CA10: variants seen among roughly 807,000 people sequenced by gnomAD.
CA10 encodes the protein carbonic anhydrase-related protein 10.
Under a neutral mutation model 44.2 loss-of-function variants are expected in CA10, and 14 were observed. The ratio of observed to expected loss-of-function variants is 0.32; its 90% CI spans 0.21 to 0.50. CA10 has a LOEUF of 0.50. Ranked by LOEUF, CA10 falls within the 20% of genes least tolerant of loss-of-function variation. The pLI, the probability that CA10 is intolerant of heterozygous loss-of-function variation, is 0.99. For synonymous variants in CA10, 159 were observed against 141.6 expected (o/e 1.12, Z -0.87); for missense variants, 350 against 409.7 (o/e 0.85, Z 1.26).
intron 1 of CA10, among the ~76,000 whole-genome samples, chr17:52,120,287 G>C (rs958714929): frequency 1.8e-4 from 27 of 152,080 alleles, no homozygotes; most frequent in African/African-American, 6.5e-4. Context: ...CCTGCCACCG[G>C]AGCCTTTGAT....
At chr17:52,087,112 G>A (rs1209433308) in intron 1 of CA10, among the ~76,000 whole-genome samples, 1 of 152,140 alleles carries the variant, frequency 6.6e-6, no homozygotes, top group Non-Finnish European at 1.5e-5. Flanking sequence ...CTAGAAACCT[G>A]ATGACCCAGA....
intron 4 of CA10, among the ~76,000 whole-genome samples, chr17:51,732,206 G>A (rs1598015250): frequency 6.6e-6 from 1 of 152,204 alleles, no homozygotes; most frequent in East Asian, 1.9e-4. Flanking sequence ...CGAAGGAGAG[G>A]GAGAACAATG....
intron 4 of CA10, among the ~76,000 whole-genome samples, chr17:51,686,475 A>G (rs548748419): frequency 1.7e-4 from 26 of 152,198 alleles, no homozygotes; most frequent in Non-Finnish European, 2.5e-4. Context: ...TACACCTTCA[A>G]TTGACCTCTC....
intron 2 of CA10, among the ~76,000 whole-genome samples, chr17:51,960,340 G>A (rs1567900776): frequency 1.3e-5 from 2 of 151,664 alleles, no homozygotes; most frequent in East Asian, 3.9e-4. Flanking sequence ...GATTGGTGCA[G>A]AAAAAAATAG....
At chr17:52,072,739 T>C (rs1987718350) in intron 1 of CA10, among the ~76,000 whole-genome samples, 1 of 144,170 alleles carries the variant, frequency 6.9e-6, no homozygotes, top group South Asian at 2.2e-4. Flanking sequence ...GTGCTCCTGC[T>C]GAAACTGAGG....
chr17:52,014,995 A>G (rs535800459), intron 2 of CA10, among the ~76,000 whole-genome samples: 9 of 152,208 alleles, frequency 5.9e-5, no homozygotes, highest in Admixed American at 4.6e-4. Context: ...ATATATGAAC[A>G]TGAATATATT....
chr17:52,069,355 T>A (rs527854302), intron 2 of CA10, among the ~76,000 whole-genome samples: 1 of 152,142 alleles, frequency 6.6e-6, no homozygotes, highest in Non-Finnish European at 1.5e-5. Context: ...GGTAAGGGGC[T>A]CCTTCCCTGA....
chr17:51,696,501 G>A (rs1263292133), intron 4 of CA10, among the ~76,000 whole-genome samples: 2 of 151,848 alleles, frequency 1.3e-5, no homozygotes, highest in Admixed American at 6.6e-5. Flanking sequence ...TCTAGCTAGT[G>A]GTCTATTGAT....
At chr17:51,643,650 G>C (rs1007206583) in intron 6 of CA10, among the ~76,000 whole-genome samples, 1 of 151,988 alleles carries the variant, frequency 6.6e-6, no homozygotes. Context: ...GCACAGGAGC[G>C]GTATTTCATT....
At chr17:51,926,940 A>G (rs1982455606) in intron 3 of CA10, among the ~76,000 whole-genome samples, 1 of 152,228 alleles carries the variant, frequency 6.6e-6, no homozygotes, top group Non-Finnish European at 1.5e-5. Flanking sequence ...ATGAAATGGA[A>G]AGAGAGGTTA....
intron 2 of CA10, among the ~76,000 whole-genome samples, chr17:51,942,469 T>C (rs1983116014): frequency 6.6e-6 from 1 of 151,542 alleles, no homozygotes; most frequent in South Asian, 2.1e-4. Context: ...TCACTTGTCC[T>C]CTTAACTTTC....
intron 2 of CA10, among the ~76,000 whole-genome samples, chr17:52,061,757 G>C (rs1987392623): frequency 1.3e-5 from 2 of 152,102 alleles, no homozygotes; most frequent in African/African-American, 4.8e-5. Context: ...TGAGTTTCTT[G>C]AGGCCTCCCC....
chr17:51,882,648 A>G (rs1407967699), intron 3 of CA10, among the ~76,000 whole-genome samples: 3 of 152,036 alleles, frequency 2.0e-5, no homozygotes, highest in East Asian at 1.9e-4. Flanking sequence ...GATGCTCCCT[A>G]TGGCTTTTGG....
chr17:51,908,481 A>G (rs1211786096), intron 3 of CA10, among the ~76,000 whole-genome samples: 2 of 152,184 alleles, frequency 1.3e-5, no homozygotes, highest in Non-Finnish European at 2.9e-5. Context: ...ATTAAAGACT[A>G]GAATATTTAT....
At chr17:51,704,821 G>C (rs1471239312) in intron 4 of CA10, among the ~76,000 whole-genome samples, 3 of 152,048 alleles carry the variant, frequency 2.0e-5, no homozygotes, top group African/African-American at 7.2e-5. Context: ...AAATTAGCCG[G>C]GTGTGATGGC....
At chr17:51,878,281 A>T (rs1980180693) in intron 3 of CA10, among the ~76,000 whole-genome samples, 1 of 152,066 alleles carries the variant, frequency 6.6e-6, no homozygotes, top group African/African-American at 2.4e-5. Flanking sequence ...GAGGCCTAAG[A>T]CTTAACATAT....
intron 3 of CA10, among the ~76,000 whole-genome samples, chr17:51,760,732 G>A (rs1905195333): frequency 6.6e-6 from 1 of 152,154 alleles, no homozygotes; most frequent in Non-Finnish European, 1.5e-5. Flanking sequence ...CAAGAGTCCT[G>A]TCCAATACAG....
intron 3 of CA10, among the ~76,000 whole-genome samples, chr17:51,908,497 T>C (rs2143945539): frequency 6.6e-6 from 1 of 152,348 alleles, no homozygotes; most frequent in African/African-American, 2.4e-5. Flanking sequence ...TTTATCATGT[T>C]GGCAGTTCCT....
intron 2 of CA10, among the ~76,000 whole-genome samples, chr17:51,983,224 T>C (rs1169781369): frequency 6.6e-6 from 1 of 151,864 alleles, no homozygotes; most frequent in African/African-American, 2.4e-5. Flanking sequence ...GTCAGCTTTC[T>C]TCACATCAGC....
Sources: gnomAD v4.1 joint callset for allele counts (sites outside exome capture counted in the v4.1 genomes callset) on GRCh38, gnomAD v4.1.1 for gene constraint, MANE v1.5 for transcripts, NCBI Gene and HGNC (gene_info 2026-07-23, HGNC 2026-07-21) for gene names.